The following PLPP4 variants were observed in gnomAD, a reference collection of about 807,000 sequenced individuals.
The protein encoded by PLPP4 is diacylglycerol pyrophosphate like 2.
A neutral mutation model predicts 32.2 loss-of-function variants in PLPP4; 20 were observed. That is an observed-to-expected ratio of 0.62 (90% CI 0.44 to 0.90). The LOEUF (loss-of-function observed/expected upper bound fraction) is 0.90, where lower values mean the gene tolerates loss of function less well. Ranked by LOEUF, PLPP4 falls within the 40% of genes least tolerant of loss-of-function variation. The pLI is 0.00. For missense variants in PLPP4, 257 were observed against 353.1 expected, an observed-to-expected ratio of 0.73 and a Z score of 2.18; for synonymous variants, 127 against 133.0, an observed-to-expected ratio of 0.95 and a Z score of 0.31.
chr10:120,493,696 G>A (rs1192499667), intron 1 of PLPP4, among the ~76,000 whole-genome samples: 1 of 152,166 alleles, frequency 6.6e-6, no homozygotes, highest in African/African-American at 2.4e-5. Context: ...GGGTACAGCA[G>A]TAGAGTACGT....
intron 1 of PLPP4, among the ~76,000 whole-genome samples, chr10:120,475,805 C>T (rs545311162): frequency 1.3e-5 from 2 of 152,344 alleles, no homozygotes; most frequent in East Asian, 1.9e-4. Context: ...GAGGGCACCA[C>T]ATGTCACAAT....
At chr10:120,521,770 G>A (rs1846166276) in intron 5 of PLPP4, among the ~76,000 whole-genome samples, 1 of 152,188 alleles carries the variant, frequency 6.6e-6, no homozygotes, top group Admixed American at 6.5e-5. Flanking sequence ...GTTGGAATGA[G>A]GATTAAAATA....
rs767174249 is a variant in PLPP4 at position 120,575,114 on chromosome 10, C to A, written c.446-17C>A. 6.2e-7 allele frequency: 1 copy of A among 1,609,270 alleles called. No individual in the cohort carries two copies. Among genetic ancestry groups the A allele is most frequent in the East Asian group, 2.2e-5 (1 of 44,830 alleles). ...TCACCACCTGCTAGAGTAACACCTG[C>A]TGTTTCTGTTTGGCAGTTGCCTTTT... On this transcript the variant is annotated splice_polypyrimidine_tract_variant and intron_variant, in intron 5 of 6. Coordinates refer to ENST00000398250, the MANE Select transcript of PLPP4 (RefSeq NM_001030059.3).
At chr10:120,528,223 T>C (rs374723431) in intron 5 of PLPP4, among the ~76,000 whole-genome samples, 8 of 152,040 alleles carry the variant, frequency 5.3e-5, no homozygotes, top group South Asian at 2.1e-4. Context: ...TACAGGCGCC[T>C]GCCACCATGC....
At chr10:120,537,563 G>T (rs529997595) in intron 5 of PLPP4, among the ~76,000 whole-genome samples, 42 of 152,312 alleles carry the variant, frequency 2.8e-4, no homozygotes, top group Non-Finnish European at 2.8e-4. Flanking sequence ...ATGGGGAGAT[G>T]TTGGTCAAAG....
intron 2 of PLPP4, among the ~76,000 whole-genome samples, chr10:120,507,671 C>T (rs535775660): frequency 6.6e-6 from 1 of 152,096 alleles, no homozygotes; most frequent in Admixed American, 6.5e-5. Flanking sequence ...GGTGGAGAGG[C>T]GTGTAAAGGC....
chr10:120,533,775 G>T (rs1452144489), intron 5 of PLPP4, among the ~76,000 whole-genome samples: 1 of 151,996 alleles, frequency 6.6e-6, no homozygotes. Context: ...TATATTCCTA[G>T]AATTTGTTAT....
At chr10:120,470,779 C>G (rs78925911) in intron 1 of PLPP4, among the ~76,000 whole-genome samples, 3,884 of 152,064 alleles carry the variant, frequency 0.026, 75 homozygotes, top group Admixed American at 0.053. Flanking sequence ...CCCCCCCGTA[C>G]TCACCCCACT....
intron 1 of PLPP4, among the ~76,000 whole-genome samples, chr10:120,471,592 T>C (rs1848518935): frequency 6.6e-6 from 1 of 152,082 alleles, no homozygotes; most frequent in Non-Finnish European, 1.5e-5. Flanking sequence ...GCACAGGTTA[T>C]CTTTTTCCAT....
intron 5 of PLPP4, among the ~76,000 whole-genome samples, chr10:120,558,051 TA>T (rs1370276841): frequency 6.6e-6 from 1 of 151,008 alleles, no homozygotes; most frequent in African/African-American, 2.4e-5. Context: ...TAAGTAATAA[TA>T]AAAAAACAGA....
intron 5 of PLPP4, among the ~76,000 whole-genome samples, chr10:120,539,714 A>G (rs1049065735): frequency 6.6e-6 from 1 of 152,138 alleles, no homozygotes; most frequent in African/African-American, 2.4e-5. Context: ...ATTTCTACCA[A>G]TAAATGGATT....
At chr10:120,553,458 G>T (rs1005077873) in intron 5 of PLPP4, among the ~76,000 whole-genome samples, 1 of 152,194 alleles carries the variant, frequency 6.6e-6, no homozygotes. Flanking sequence ...GGCTTCACTA[G>T]ACATCAAATC....
intron 1 of PLPP4, among the ~76,000 whole-genome samples, chr10:120,495,540 G>A (rs987042287): frequency 2.0e-5 from 3 of 152,138 alleles, no homozygotes; most frequent in African/African-American, 7.2e-5. Flanking sequence ...GCTGACTAGG[G>A]AGGAAAAATC....
At chr10:120,502,853 C>T (rs1845323986) in intron 1 of PLPP4, among the ~76,000 whole-genome samples, 1 of 152,158 alleles carries the variant, frequency 6.6e-6, no homozygotes, top group African/African-American at 2.4e-5. Flanking sequence ...TAGAGGGTTT[C>T]CTAGGAGAAG....
chr10:120,574,393 C>T (rs925915247), intron 5 of PLPP4, among the ~76,000 whole-genome samples: 2 of 152,086 alleles, frequency 1.3e-5, no homozygotes, highest in Admixed American at 1.3e-4. Flanking sequence ...ATGTTTTATA[C>T]CTGCTTGGAT....
At chr10:120,474,397 G>A (rs12359201) in intron 1 of PLPP4, among the ~76,000 whole-genome samples, 1 of 152,046 alleles carries the variant, frequency 6.6e-6, no homozygotes, top group Non-Finnish European at 1.5e-5. Flanking sequence ...ATTCAGCTCA[G>A]AATTTACTTT....
intron 1 of PLPP4, among the ~76,000 whole-genome samples, chr10:120,474,068 T>C (rs1564780267): frequency 1.3e-5 from 2 of 152,186 alleles, no homozygotes. Context: ...TCTCTTCTGC[T>C]TTGCTGATTG....
chr10:120,516,010 A>T (rs1483026371), intron 3 of PLPP4, among the ~76,000 whole-genome samples: 1 of 152,170 alleles, frequency 6.6e-6, no homozygotes, highest in Admixed American at 6.5e-5. Context: ...ATTGAACATC[A>T]TACTCTGTCT....
At chr10:120,490,217 C>A in intron 1 of PLPP4, among the ~76,000 whole-genome samples, 1 of 152,216 alleles carries the variant, frequency 6.6e-6, no homozygotes, top group East Asian at 1.9e-4. Flanking sequence ...GGGACAGAGA[C>A]CCCACCTTGG....
Sources: allele counts gnomAD v4.1 joint callset (sites outside exome capture counted in the v4.1 genomes callset), GRCh38; gene constraint gnomAD v4.1.1; transcripts MANE v1.5; gene names NCBI Gene and HGNC (gene_info 2026-07-23, HGNC 2026-07-21).